The following KCNH8 variants were observed in gnomAD, a reference collection of about 807,000 sequenced individuals.
KCNH8 encodes potassium voltage-gated channel subfamily H member 8, also known as voltage-gated delayed rectifier potassium channel KCNH8.
KCNH8 carries 70 observed loss-of-function variants against 103.6 expected under a neutral mutation model. That is an observed-to-expected ratio of 0.68 (90% CI 0.56 to 0.82). The LOEUF is 0.82. Among genes scored for constraint, KCNH8 ranks in the 40% least tolerant of loss-of-function variants. The probability of loss-of-function intolerance (pLI) is 0.00; values close to 1 mark genes in which losing one functional copy is unlikely to be tolerated. For missense variants in KCNH8, 1,217 were observed against 1,329.9 expected (o/e 0.92, Z 1.32); for synonymous variants, 498 against 489.4 (o/e 1.02, Z -0.23).
intron 1 of KCNH8, among the ~76,000 whole-genome samples, chr3:19,222,800 G>C (rs980093213): frequency 7.2e-5 from 11 of 152,120 alleles, no homozygotes; most frequent in Admixed American, 6.6e-4. Flanking sequence ...TATTTTTTAG[G>C]ATGAAGGCTA....
intron 7 of KCNH8, among the ~76,000 whole-genome samples, chr3:19,405,494 G>A (rs1213879891): frequency 6.6e-6 from 1 of 151,786 alleles, no homozygotes; most frequent in Non-Finnish European, 1.5e-5. Flanking sequence ...ACTAGCTTGA[G>A]AAAATGATGT....
At chr3:19,410,895 G>T (rs1389821063) in intron 7 of KCNH8, among the ~76,000 whole-genome samples, 8 of 113,404 alleles carry the variant, frequency 7.1e-5, no homozygotes, top group Non-Finnish European at 5.3e-5. Flanking sequence ...AAAAAAAAAA[G>T]CCCTGGACCA....
intron 1 of KCNH8, among the ~76,000 whole-genome samples, chr3:19,238,989 T>G (rs562438050): frequency 3.3e-4 from 50 of 149,770 alleles, no homozygotes; most frequent in South Asian, 2.5e-3. Flanking sequence ...AATACAGGAC[T>G]AACTAAGTAA....
intron 5 of KCNH8, among the ~76,000 whole-genome samples, chr3:19,355,502 G>A (rs1296819518): frequency 6.6e-6 from 1 of 152,170 alleles, no homozygotes; most frequent in African/African-American, 2.4e-5. Context: ...ATCAATGATA[G>A]ACTGGATTAA....
chr3:19,291,449 G>A (rs1404146279), intron 3 of KCNH8, among the ~76,000 whole-genome samples: 3 of 152,078 alleles, frequency 2.0e-5, no homozygotes, highest in Non-Finnish European at 4.4e-5. Flanking sequence ...TTGTGTTTTT[G>A]TTTTCATTGG....
At chr3:19,426,646 A>G (rs1055101391) in intron 7 of KCNH8, among the ~76,000 whole-genome samples, 18 of 151,692 alleles carry the variant, frequency 1.2e-4, no homozygotes, top group African/African-American at 3.9e-4. Flanking sequence ...ATTAGAGTGG[A>G]TAGCCGCTGA....
At chr3:19,241,104 C>T (rs1211738624) in intron 1 of KCNH8, among the ~76,000 whole-genome samples, 2 of 152,170 alleles carry the variant, frequency 1.3e-5, no homozygotes, top group Admixed American at 6.5e-5. Context: ...AATATTCAAG[C>T]TGTTTTCCTT....
At chr3:19,321,393 C>T (rs2065348017) in intron 3 of KCNH8, among the ~76,000 whole-genome samples, 2 of 150,352 alleles carry the variant, frequency 1.3e-5, no homozygotes, top group South Asian at 2.1e-4. Context: ...CACTATTTTT[C>T]AGTTCAAAGA....
At chr3:19,481,549 T>G (rs1445792603) in intron 11 of KCNH8, among the ~76,000 whole-genome samples, 1 of 152,190 alleles carries the variant, frequency 6.6e-6, no homozygotes, top group Non-Finnish European at 1.5e-5. Context: ...CTTCTAGATG[T>G]TAGAACAAGA....
intron 8 of KCNH8, among the ~76,000 whole-genome samples, chr3:19,448,061 A>G (rs1267336623): frequency 2.0e-5 from 3 of 152,010 alleles, no homozygotes; most frequent in African/African-American, 7.2e-5. Context: ...ATTTAATTGC[A>G]TTGAGCATGC....
chr3:19,192,267 C>G (rs1484633486), intron 1 of KCNH8, among the ~76,000 whole-genome samples: 1 of 151,636 alleles, frequency 6.6e-6, no homozygotes, highest in Non-Finnish European at 1.5e-5. Context: ...CTTGGAGTCT[C>G]TCATGTAAGA....
intron 7 of KCNH8, among the ~76,000 whole-genome samples, chr3:19,426,943 T>C (rs1254197341): frequency 6.6e-6 from 1 of 152,186 alleles, no homozygotes; most frequent in African/African-American, 2.4e-5. Context: ...TTGTGTTGAG[T>C]TGGTGATTCA....
intron 3 of KCNH8, among the ~76,000 whole-genome samples, chr3:19,330,392 C>T (rs879507869): frequency 2.0e-5 from 3 of 152,110 alleles, no homozygotes; most frequent in Non-Finnish European, 4.4e-5. Context: ...ATGATCTAGA[C>T]GAAGTCAGAA....
intron 11 of KCNH8, among the ~76,000 whole-genome samples, chr3:19,461,087 G>A (rs2125192507): frequency 6.6e-6 from 1 of 152,174 alleles, no homozygotes; most frequent in East Asian, 1.9e-4. Flanking sequence ...TACTAATTTT[G>A]TCCAGTTTGA....
intron 3 of KCNH8, among the ~76,000 whole-genome samples, chr3:19,329,247 A>G (rs369273775): frequency 1.3e-5 from 2 of 152,206 alleles, no homozygotes; most frequent in South Asian, 2.1e-4. Flanking sequence ...CTGATCACAT[A>G]CTATATTCTT....
intron 2 of KCNH8, among the ~76,000 whole-genome samples, chr3:19,263,360 AATAACT>A (rs1387325525): frequency 1.3e-5 from 2 of 152,154 alleles, no homozygotes; most frequent in African/African-American, 4.8e-5. Flanking sequence ...TTAAAATAAC[AATAACT>A]ATATCTTACA....
At chr3:19,212,893 G>T (rs2063784294) in intron 1 of KCNH8, among the ~76,000 whole-genome samples, 4 of 152,010 alleles carry the variant, frequency 2.6e-5, no homozygotes, top group Admixed American at 2.6e-4. Context: ...TAGACTTTTG[G>T]GTCTCAGAAG....
chr3:19,501,958 A>G lies in KCNH8; in HGVS notation c.2041-8405A>G, dbSNP rs1032291608. On this transcript the variant is annotated intron_variant, in intron 11 of 15. Coordinates refer to ENST00000328405, the MANE Select transcript of KCNH8 (RefSeq NM_144633.3). ...AGGAGAAGGAAATAAAGGGTATTCA[A>G]TTAGGAAAAGAGGAAGTCAAATTGT... is the stretch of plus-strand genomic sequence containing the variant. Among the ~76,000 whole-genome samples, 16 of 152,254 alleles carry G rather than the reference A, an allele frequency of 1.1e-4. No homozygotes were observed. The South Asian group carries it at 1.2e-3, about 12-fold the overall frequency.
At chr3:19,254,859 GAGA>G (rs1358699333) in intron 2 of KCNH8, among the ~76,000 whole-genome samples, 4 of 152,118 alleles carry the variant, frequency 2.6e-5, no homozygotes, top group Non-Finnish European at 5.9e-5. Flanking sequence ...CAAGATATAT[GAGA>G]AGGAGTATTT....
Sources: allele counts gnomAD v4.1 joint callset (sites outside exome capture counted in the v4.1 genomes callset), GRCh38; gene constraint gnomAD v4.1.1; transcripts MANE v1.5; gene names NCBI Gene and HGNC (gene_info 2026-07-23, HGNC 2026-07-21).